Variants in UGT1A7 observed in about 807,000 individuals in gnomAD.
UGT1A7 encodes UDP-glucuronosyltransferase 1A7.
UGT1A7 carries 33 observed loss-of-function variants against 45.6 expected under a neutral mutation model. That is an observed-to-expected ratio of 0.72 (90% CI 0.55 to 0.97). UGT1A7 has a LOEUF of 0.97. Among genes scored for constraint, UGT1A7 ranks in the 50% least tolerant of loss-of-function variants. UGT1A7 has a pLI of 0.00. For synonymous variants in UGT1A7, 274 were observed against 250.6 expected (o/e 1.09, Z -0.88); for missense variants, 684 against 666.2 (o/e 1.03, Z -0.29).
intron 1 of UGT1A7, chr2:233,761,223 C>T: frequency 1.2e-6 from 2 of 1,613,412 alleles, no homozygotes; most frequent in Non-Finnish European, 1.7e-6. Context: ...ATTAACTAGC[C>T]CCAGATATAT....
intron 1 of UGT1A7, chr2:233,760,580 A>T (rs1277566287): frequency 6.2e-7 from 1 of 1,614,094 alleles, no homozygotes; most frequent in African/African-American, 1.3e-5. Flanking sequence ...CTCGGGCATA[A>T]TGTTTTTGAG....
At chr2:233,731,876 G>A (rs2078215412) in intron 1 of UGT1A7, among the ~76,000 whole-genome samples, 1 of 152,166 alleles carries the variant, frequency 6.6e-6, no homozygotes, top group Non-Finnish European at 1.5e-5. Context: ...TTCCACAATG[G>A]TTGAACTAAT....
chr2:233,690,769 A>G, intron 1 of UGT1A7: 1 of 1,083,992 alleles, frequency 9.2e-7, no homozygotes, highest in Non-Finnish European at 1.1e-6. Flanking sequence ...ATACACACAC[A>G]CACACATACA....
chr2:233,743,821 G>A (rs375309664), intron 1 of UGT1A7: 180 of 1,367,120 alleles, frequency 1.3e-4, no homozygotes, highest in Middle Eastern at 2.1e-4. Flanking sequence ...GGTTTTTGTC[G>A]GGGTGCCACT....
intron 1 of UGT1A7, chr2:233,691,800 T>G (rs1028258003): frequency 9.0e-5 from 20 of 221,568 alleles, no homozygotes; most frequent in Admixed American, 2.6e-4. Context: ...CTTATACTTC[T>G]CAAATCTTAA....
In UGT1A7 at chr2:233,729,768, G is replaced by C. The variant is rs559236569; in HGVS notation, c.856-37266G>C. Reference sequence around the variant, plus strand: ...CATTCATGCAAAGGGTCAAGAACATGCTCTACCCTCTGGCCCTGTCCTACA... The same window carrying C: ...CATTCATGCAAAGGGTCAAGAACATCCTCTACCCTCTGGCCCTGTCCTACA... On this transcript the variant is annotated intron_variant, in intron 1 of 4. Coordinates refer to ENST00000373426, the MANE Select transcript of UGT1A7 (RefSeq NM_019077.3). The C allele has an allele frequency of 1.9e-6, 3 of 1,613,956 alleles. No individual in the cohort carries two copies. The highest frequency in any genetic ancestry group is 3.3e-5 in the Admixed American group (2 of 60,020).
intron 1 of UGT1A7, chr2:233,718,753 G>A: frequency 6.2e-7 from 1 of 1,612,362 alleles, no homozygotes; most frequent in Non-Finnish European, 8.5e-7. Flanking sequence ...AGGTAATTAA[G>A]GCGAAGGAAA....
chr2:233,743,528 A>G (rs1026990918), intron 1 of UGT1A7: 10 of 1,367,274 alleles, frequency 7.3e-6, no homozygotes, highest in East Asian at 9.1e-5. Flanking sequence ...CTGCTTCCCC[A>G]GCAGTTCCTC....
Position 233,772,460 on chromosome 2 carries a change from A to C in UGT1A7, c.1494A>C (p.Thr498=), listed in dbSNP as rs1435465707. Residue 498 remains threonine (T), a synonymous_variant, in exon 5 of 5, where the codon ACA becomes ACC. Transcript: ENST00000373426. The part of the protein sequence containing the change: ...VIGFLLAVVL[T]VAFITFKCCA... Reference sequence around the variant, plus strand: ...GTTTCCTCTTGGCCGTCGTGCTGACAGTGGCCTTCATCACCTTTAAATGTT... The same window carrying C: ...GTTTCCTCTTGGCCGTCGTGCTGACCGTGGCCTTCATCACCTTTAAATGTT... 6.2e-7 allele frequency: 1 copy of C among 1,614,184 alleles called. No individual in the cohort carries two copies. Among genetic ancestry groups the C allele is most frequent in the Non-Finnish European group, 8.5e-7 (1 of 1,180,034 alleles).
At chr2:233,718,198 T>C (rs545354446) in intron 1 of UGT1A7, among the ~76,000 whole-genome samples, 1 of 152,168 alleles carries the variant, frequency 6.6e-6, no homozygotes, top group African/African-American at 2.4e-5. Flanking sequence ...TCCCCGGAGC[T>C]TTTTTTTATA....
In UGT1A7 at chr2:233,772,586, T is replaced by C. The variant is rs370727977; in HGVS notation, c.*27T>C. The C allele has an allele frequency of 3.7e-6, 6 of 1,604,570 alleles. No individual in the cohort carries two copies. The highest frequency in any genetic ancestry group is 5.1e-6 in the Non-Finnish European group (6 of 1,175,016). On this transcript the variant is annotated 3_prime_UTR_variant, in exon 5 of 5. Coordinates refer to ENST00000373426, the MANE Select transcript of UGT1A7 (RefSeq NM_019077.3). Reference sequence around the variant, plus strand: ...AAGTGGGTGGGAAATAAGGTAAAATTTTGAACCATTCCCTAGTCATTTCCA... The same window carrying C: ...AAGTGGGTGGGAAATAAGGTAAAATCTTGAACCATTCCCTAGTCATTTCCA...
At chr2:233,704,477 T>C (rs1575478652) in intron 1 of UGT1A7, among the ~76,000 whole-genome samples, 2 of 152,176 alleles carry the variant, frequency 1.3e-5, no homozygotes, top group African/African-American at 2.4e-5. Context: ...CTTTCTCCCC[T>C]TTTTATGATA....
intron 4 of UGT1A7, among the ~76,000 whole-genome samples, chr2:233,768,674 C>T (rs1339439419): frequency 6.7e-6 from 1 of 148,950 alleles, no homozygotes; most frequent in Non-Finnish European, 1.5e-5. Context: ...GCAACCTCCA[C>T]CTCCCACGTT....
intron 1 of UGT1A7, chr2:233,693,596 A>C: frequency 1.2e-6 from 2 of 1,614,214 alleles, no homozygotes; most frequent in Non-Finnish European, 1.7e-6. Context: ...GTGCTACACA[A>C]AGTTTTCAGA....
intron 1 of UGT1A7, among the ~76,000 whole-genome samples, chr2:233,739,930 G>GGGGA (rs1270425861): frequency 6.6e-6 from 1 of 151,694 alleles, no homozygotes; most frequent in Non-Finnish European, 1.5e-5. Context: ...ATCCCCATGT[G>GGGGA]TTAAGGTTGG....
intron 1 of UGT1A7, among the ~76,000 whole-genome samples, chr2:233,763,740 G>A (rs752841443): frequency 3.7e-4 from 57 of 152,188 alleles, no homozygotes; most frequent in Non-Finnish European, 5.6e-4. Flanking sequence ...GCATTGGCGT[G>A]TCTTTGGTGT....
chr2:233,728,753 T>G (rs1294725460), intron 1 of UGT1A7, among the ~76,000 whole-genome samples: 2 of 152,174 alleles, frequency 1.3e-5, no homozygotes, highest in Non-Finnish European at 2.9e-5. Context: ...CAATGGTGAC[T>G]CCTCAGACCT....
intron 1 of UGT1A7, among the ~76,000 whole-genome samples, chr2:233,734,101 T>TATAATA (rs549143261): frequency 6.3e-4 from 96 of 151,394 alleles, no homozygotes; most frequent in African/African-American, 1.8e-3. Flanking sequence ...AAACTTAAAG[T>TATAATA]ATAATAATAA....
chr2:233,771,951 C>T (rs1331596370), intron 4 of UGT1A7, among the ~76,000 whole-genome samples: 1 of 152,070 alleles, frequency 6.6e-6, no homozygotes, highest in African/African-American at 2.4e-5. Context: ...CTTGTTTCTA[C>T]AAAAAATTTA....
Sources: allele counts gnomAD v4.1 joint callset (sites outside exome capture counted in the v4.1 genomes callset), GRCh38; gene constraint gnomAD v4.1.1; transcripts MANE v1.5; gene names NCBI Gene and HGNC (gene_info 2026-07-23, HGNC 2026-07-21).